CORO7: variants seen among roughly 807,000 people sequenced by gnomAD.
CORO7 encodes the protein coronin 7.
Under a neutral mutation model 126.6 loss-of-function variants are expected in CORO7, and 107 were observed. The ratio of observed to expected loss-of-function variants is 0.85; its 90% CI spans 0.72 to 0.99. CORO7 has a LOEUF of 0.99. Ranked by LOEUF, CORO7 falls within the 50% of genes least tolerant of loss-of-function variation. The pLI is 0.00. For synonymous variants in CORO7, 603 were observed against 536.8 expected, an observed-to-expected ratio of 1.12 and a Z score of -1.70; for missense variants, 1,314 against 1,255.8, an observed-to-expected ratio of 1.05 and a Z score of -0.70.
intron 19 of CORO7, 38 bp downstream of exon 19, chr16:4,360,905 T>A (rs1422637304): frequency 6.3e-7 from 1 of 1,591,558 alleles, no homozygotes; most frequent in Non-Finnish European, 8.5e-7. Context: ...TGGCCCCGCC[T>A]CTCCACACTG....
Position 4,362,908 on chromosome 16 carries a change from C to T in CORO7, c.1276-170G>A. The T allele has an allele frequency of 1.3e-6, 1 of 759,650 alleles. No individual in the cohort carries two copies. Among genetic ancestry groups the T allele is most frequent in the South Asian group, 6.1e-5 (1 of 16,342 alleles). 47.1% of individuals were successfully genotyped at this position (759,650 alleles called of 1,614,324 possible). ...GGGCACGGGCATAAACGCAGACACA[C>T]AGGGAAGCAGCCGAGCTTCAGACCG... is the stretch of plus-strand genomic sequence containing the variant. On this transcript the variant is annotated intron_variant, in intron 14 of 27. Transcript: ENST00000251166. This position sits in a 1 kb window ranked among gnomAD's most constrained non-coding sequence, Gnocchi z 5.3.
Position 4,362,075 on chromosome 16 carries a change from G to A in CORO7, c.1488C>T (p.Thr496=). ...AGAAGCCGTCACTCTCACCAGGTGT[G>A]GTGAGGTTGAGCCCCTTGAGGTTGG... ...HITNLKGLNL[T]TPGESDGFCA... Residue 496 remains threonine (T), a synonymous_variant, in exon 16 of 28, where the codon ACC becomes ACT. Transcript: ENST00000251166. The surrounding 1 kb of genome is among the most constrained non-coding windows in gnomAD (Gnocchi z 5.3). 6.2e-7 allele frequency: 1 copy of A among 1,613,180 alleles called. No homozygotes were observed. Among genetic ancestry groups the A allele is most frequent in the South Asian group, 1.1e-5 (1 of 91,062 alleles).
chr16:4,407,277 G>GA (rs77001478), intron 5 of CORO7, among the ~76,000 whole-genome samples: 9,136 of 131,284 alleles, frequency 0.07, 763 homozygotes, highest in African/African-American at 0.21. Flanking sequence ...AAAAACAACA[G>GA]AAAAAAAAAA....
intron 1 of CORO7, 139 bp downstream of exon 1, chr16:4,416,320 C>A: frequency 8.0e-7 from 1 of 1,246,746 alleles, no homozygotes; most frequent in East Asian, 3.2e-5. Context: ...GGGGCCCTGG[C>A]CTGAAGGGGG....
chr16:4,367,533 A>G (rs2054385207), intron 9 of CORO7, among the ~76,000 whole-genome samples: 1 of 152,196 alleles, frequency 6.6e-6, no homozygotes, highest in African/African-American at 2.4e-5. Flanking sequence ...AGACAGACAC[A>G]ATCCCATAGA....
intron 9 of CORO7, among the ~76,000 whole-genome samples, chr16:4,374,693 T>A (rs1453119098): frequency 6.6e-6 from 1 of 152,110 alleles, no homozygotes; most frequent in Non-Finnish European, 1.5e-5. Context: ...GCCTGCCCAT[T>A]GATCAGCTCA....
At chr16:4,404,145 C>G (rs2055910748) in intron 6 of CORO7, among the ~76,000 whole-genome samples, 2 of 152,210 alleles carry the variant, frequency 1.3e-5, no homozygotes, top group African/African-American at 4.8e-5. Flanking sequence ...AGGGTCCCTC[C>G]AAGTATGCAG....
intron 9 of CORO7, 58 bp from the exon 10 acceptor site, chr16:4,365,603 A>G: frequency 6.5e-7 from 1 of 1,549,792 alleles, no homozygotes; most frequent in Admixed American, 2.0e-5. Context: ...CCAGACTCGT[A>G]ACCCCATGTA....
At chr16:4,364,973 A>C (rs1202047743) in intron 11 of CORO7, 30 bp downstream of exon 11, 6 of 1,466,220 alleles carry the variant, frequency 4.1e-6, no homozygotes, top group Non-Finnish European at 5.6e-6. Flanking sequence ...AGGGGAGGGT[A>C]GGGGATGGGG....
chr16:4,395,425 C>A, intron 6 of CORO7, 86 bp from the exon 7 acceptor site: 1 of 1,581,238 alleles, frequency 6.3e-7, no homozygotes. Context: ...CTCCCAACCC[C>A]CAGCTCTGAG....
Position 4,360,424 on chromosome 16 carries a change from C to G in CORO7, c.2022+20G>C. ...CCCTGAACCAGGTCTGAGGCCACTC[C>G]CCAGCCCCTGTGTGCTCACCTGCAG... On this transcript the variant is annotated intron_variant, in intron 20 of 27. Coordinates refer to ENST00000251166, the MANE Select transcript of CORO7 (RefSeq NM_024535.5). 1 of 1,612,976 alleles carries G rather than the reference C, an allele frequency of 6.2e-7. No homozygotes were observed. The highest frequency in any genetic ancestry group is 8.5e-7 in the Non-Finnish European group (1 of 1,179,864).
chr16:4,390,449 G>T lies in CORO7; in HGVS notation c.616-1818C>A, dbSNP rs143487412. 2.0e-3 allele frequency among the ~76,000 whole-genome samples: 307 copies of T among 152,350 alleles called. 1 individual carries two copies. The highest frequency in any genetic ancestry group is 7.0e-3 in the African/African-American group (289 of 41,576). ...GCTGATAGCAGGGTACCGCCAGACTGTAAGTGAGGGAAGACCTAGCGTCAT... is the reference window on the plus strand; with the variant it reads ...GCTGATAGCAGGGTACCGCCAGACTTTAAGTGAGGGAAGACCTAGCGTCAT... On this transcript the variant is annotated intron_variant, in intron 7 of 27. Coordinates refer to ENST00000251166, the MANE Select transcript of CORO7 (RefSeq NM_024535.5).
chr16:4,387,375 G>A (rs1290172042), intron 9 of CORO7, among the ~76,000 whole-genome samples: 1 of 152,166 alleles, frequency 6.6e-6, no homozygotes, highest in African/African-American at 2.4e-5. Flanking sequence ...ACTTCTGGGG[G>A]CAGATGGAAG....
chr16:4,404,109 C>T (rs1250485576), intron 6 of CORO7, among the ~76,000 whole-genome samples: 1 of 152,198 alleles, frequency 6.6e-6, no homozygotes, highest in Non-Finnish European at 1.5e-5. Flanking sequence ...TCCACAAAAG[C>T]AGAGTACAGA....
intron 19 of CORO7, 130 bp from the exon 20 acceptor site, chr16:4,360,678 G>C (rs1181771736): frequency 3.7e-6 from 5 of 1,360,330 alleles, no homozygotes; most frequent in Non-Finnish European, 5.0e-6. Context: ...CCTCACTGCT[G>C]GTCTTGCCTC....
chr16:4,398,311 C>T (rs189785427), intron 6 of CORO7, among the ~76,000 whole-genome samples: 2 of 152,144 alleles, frequency 1.3e-5, no homozygotes, highest in Non-Finnish European at 2.9e-5. Flanking sequence ...AAACACAAAT[C>T]CAAACCACAG....
chr16:4,385,108 G>A (rs917135028), intron 9 of CORO7, among the ~76,000 whole-genome samples: 5 of 152,152 alleles, frequency 3.3e-5, no homozygotes, highest in African/African-American at 9.7e-5. Context: ...GCCTCGACCC[G>A]GGACAAGCCC....
chr16:4,374,390 T>C (rs1460896068), intron 9 of CORO7, among the ~76,000 whole-genome samples: 1 of 151,952 alleles, frequency 6.6e-6, no homozygotes, highest in Non-Finnish European at 1.5e-5. Context: ...GCCACCTCGG[T>C]TTTGGGCAGG....
chr16:4,364,775 C>T lies in CORO7; in HGVS notation c.1044G>A (p.Lys348=), dbSNP rs1216758064. The part of the protein sequence containing the change: ...IVPIGYHVPR[K]AVEFHEDLFP... Reference sequence around the variant, plus strand: ...AGTCCCTCGCCCAAGTCCCCCTCACCTTGCGGGGCACATGGTAGCCGATGG... The same window carrying T: ...AGTCCCTCGCCCAAGTCCCCCTCACTTTGCGGGGCACATGGTAGCCGATGG... Residue 348 remains lysine, a splice_region_variant and synonymous_variant, in exon 12 of 28, where the codon AAG becomes AAA. Coordinates refer to ENST00000251166, the MANE Select transcript of CORO7 (RefSeq NM_024535.5). 1.2e-6 allele frequency: 2 copies of T among 1,610,174 alleles called. No individual in the cohort carries two copies. Among genetic ancestry groups the T allele is most frequent in the Non-Finnish European group, 1.7e-6 (2 of 1,178,772 alleles).
Sources: gnomAD v4.1 joint callset for allele counts (sites outside exome capture counted in the v4.1 genomes callset) on GRCh38, gnomAD v4.1.1 for gene constraint, Gnocchi (gnomAD v3.1) non-coding constraint, MANE v1.5 for transcripts, NCBI Gene and HGNC (gene_info 2026-07-23, HGNC 2026-07-21) for gene names.